The following PTH1R variants were observed in gnomAD, a reference collection of about 807,000 sequenced individuals.
The protein encoded by PTH1R is parathyroid hormone 1 receptor, also known as parathyroid hormone/parathyroid hormone-related peptide receptor.
In PTH1R, 32 loss-of-function variants were observed where a neutral mutation model predicts 70.7. That is an observed-to-expected ratio of 0.45 (90% CI 0.34 to 0.61). The LOEUF is 0.61. Among genes scored for constraint, PTH1R ranks in the 20% least tolerant of loss-of-function variants. The pLI, the probability that PTH1R is intolerant of heterozygous loss-of-function variation, is 0.01. For missense variants in PTH1R, 626 were observed against 792.5 expected, an observed-to-expected ratio of 0.79 and a Z score of 2.52; for synonymous variants, 329 against 324.8, an observed-to-expected ratio of 1.01 and a Z score of -0.14.
At position 46,896,370 on chromosome 3, in the gene PTH1R, A is replaced by G. The variant is rs2031757600; in HGVS notation, c.313+501A>G. ...AGTGGATAGGGCCACAGAAATAGAG[A>G]AGGAGAGGAGGGCAGTGGCAGAGGG... On this transcript the variant is annotated intron_variant, in intron 5 of 15. Transcript: ENST00000449590. The surrounding 1 kb of genome is among the most constrained non-coding windows in gnomAD (Gnocchi z 4.1). Among the ~76,000 whole-genome samples the G allele has an allele frequency of 6.6e-6, 1 of 151,864 alleles. No individual in the cohort carries two copies. The highest frequency in any genetic ancestry group is 1.5e-5 in the Non-Finnish European group (1 of 67,922).
chr3:46,895,962 G>A, intron 5 of PTH1R, 93 bp downstream of exon 5: 2 of 1,485,586 alleles, frequency 1.3e-6, no homozygotes, highest in Non-Finnish European at 1.8e-6. Context: ...ATGCTTCTTG[G>A]CTCTTATAGA....
Position 46,898,239 on chromosome 3 carries a change from C to T in PTH1R, c.543+47C>T, listed in dbSNP as rs779961485. On this transcript the variant is annotated intron_variant, in intron 7 of 15. Coordinates refer to ENST00000449590, the MANE Select transcript of PTH1R (RefSeq NM_000316.3). Reference sequence around the variant, plus strand: ...AACCTGACCAGGATAAATTCACTCCCACCCCACGGGTGACCCCTGACCCAG... The same window carrying T: ...AACCTGACCAGGATAAATTCACTCCTACCCCACGGGTGACCCCTGACCCAG... 7 of 1,603,140 alleles carry T rather than the reference C, an allele frequency of 4.4e-6. No homozygotes were observed. The Admixed American group carries it at 1.0e-4, about 23-fold the overall frequency.
chr3:46,881,364 C>T (rs1051242951), intron 2 of PTH1R, among the ~76,000 whole-genome samples: 10 of 152,160 alleles, frequency 6.6e-5, no homozygotes, highest in African/African-American at 9.7e-5. Context: ...CCAACCCCCG[C>T]GGACTCCTCC....
intron 1 of PTH1R, 70 bp from the exon 2 acceptor site, chr3:46,880,992 C>G (rs1318363550): frequency 6.6e-6 from 1 of 152,212 alleles, no homozygotes; most frequent in African/African-American, 2.4e-5. Context: ...AGGATGCCCA[C>G]CCTCGTGGAA....
intron 10 of PTH1R, among the ~76,000 whole-genome samples, 157 bp from the exon 11 acceptor site, chr3:46,900,868 A>G (rs116473407): frequency 6.6e-6 from 1 of 152,050 alleles, no homozygotes; most frequent in African/African-American, 2.4e-5. Context: ...AGGGCACCAC[A>G]TGGCAGAGTG....
Position 46,901,487 on chromosome 3 carries a change from A to G in PTH1R, c.1116+7A>G. On this transcript the variant is annotated splice_region_variant and intron_variant, in intron 12 of 15. Coordinates refer to ENST00000449590, the MANE Select transcript of PTH1R (RefSeq NM_000316.3). This position sits in a 1 kb window ranked among gnomAD's most constrained non-coding sequence, Gnocchi z 7.3. ...CATCCTGGCCTCCATTGTGGTGAGCAGGGGTGGGCTGCTGGCCACAGGGGT... is the reference window on the plus strand; with the variant it reads ...CATCCTGGCCTCCATTGTGGTGAGCGGGGGTGGGCTGCTGGCCACAGGGGT... The G allele has an allele frequency of 6.6e-7, 1 of 1,525,866 alleles. No homozygotes were observed. The allele number at this position is 1,525,866 out of a possible 1,614,324, so 94.5% of individuals were successfully genotyped here. A position where few individuals can be genotyped will look rare whatever the true frequency, so the allele number is the denominator to read the frequency against.
In PTH1R at chr3:46,895,835, G is replaced by A. The variant is rs935142392; in HGVS notation, c.279G>A (p.Glu93=). 2 of 1,613,838 alleles carry A rather than the reference G, an allele frequency of 1.2e-6. No individual in the cohort carries two copies. Residue 93 remains glutamate (E), a synonymous_variant, in exon 5 of 16, where the codon GAG becomes GAA. Transcript: ENST00000449590. ...GGAAGCTCTACCCTGAGTCTGAGGA[G>A]GACAAGGAGGCACCCACTGGCAGCA... ...ASGKLYPESE[E]DKEAPTGSRY...
intron 3 of PTH1R, among the ~76,000 whole-genome samples, chr3:46,888,048 G>C (rs1394645683): frequency 6.6e-6 from 1 of 152,158 alleles, no homozygotes; most frequent in African/African-American, 2.4e-5. Context: ...AAAAGCTTGT[G>C]CTGCTTTGTA....
At position 46,883,961 on chromosome 3, in the gene PTH1R, C is replaced by G. The variant is rs1384781523; in HGVS notation, c.75+327C>G. Among the ~76,000 whole-genome samples the G allele has an allele frequency of 6.6e-6, 1 of 152,240 alleles. No homozygotes were observed. The highest frequency in any genetic ancestry group is 1.5e-5 in the Non-Finnish European group (1 of 68,044). On this transcript the variant is annotated intron_variant, in intron 3 of 15. Transcript: ENST00000449590. The surrounding 1 kb of genome is among the most constrained non-coding windows in gnomAD (Gnocchi z 6.4). ...CAGTGTGACCCAACAGAAGGCTGGG[C>G]TTTGGCCCTGCTGCGTACTCCCACA...
chr3:46,880,079 A>G (rs2030458059), intron 1 of PTH1R, among the ~76,000 whole-genome samples: 1 of 152,222 alleles, frequency 6.6e-6, no homozygotes, highest in Admixed American at 6.5e-5. Context: ...CCATTAAAAT[A>G]TAACACTGAA....
rs971320996 is a variant in PTH1R, at chr3:46,899,203, C to T, written c.835-100C>T. The T allele has an allele frequency of 2.2e-5, 34 of 1,527,734 alleles. No homozygotes were observed. The African/African-American group carries it at 3.1e-4, about 14-fold the overall frequency. 94.6% of individuals were successfully genotyped at this position (1,527,734 alleles called of 1,614,324 possible). A position where few individuals can be genotyped will look rare whatever the true frequency, so the allele number is the denominator to read the frequency against. On this transcript the variant is annotated intron_variant, in intron 9 of 15. Coordinates refer to ENST00000449590, the MANE Select transcript of PTH1R (RefSeq NM_000316.3). ...CCTGCCCCTTCCTGGCCTGTTTGGC[C>T]GGCACCACTTGTCCTCTCCTGCCGC... is the stretch of plus-strand genomic sequence containing the variant.
Position 46,901,181 on chromosome 3 carries a change from A to G in PTH1R, c.1049+96A>G. 6.9e-7 allele frequency: 1 copy of G among 1,447,814 alleles called. No individual in the cohort carries two copies. The highest frequency in any genetic ancestry group is 9.5e-7 in the Non-Finnish European group (1 of 1,055,156). The allele number at this position is 1,447,814 out of a possible 1,614,324, so 89.7% of individuals were successfully genotyped here. ...AGAGGGCCTCCTGTACCCTGGCCTC[A>G]AACGGCCCAGCCTCAGGAGTTCTCA... On this transcript the variant is annotated intron_variant, in intron 11 of 15. Coordinates refer to ENST00000449590, the MANE Select transcript of PTH1R (RefSeq NM_000316.3). This position sits in a 1 kb window ranked among gnomAD's most constrained non-coding sequence, Gnocchi z 7.3.
chr3:46,899,416 A>G lies in PTH1R; in HGVS notation c.948A>G (p.Ser316=), dbSNP rs1484706795. Residue 316 remains serine (S), a synonymous_variant, in exon 10 of 16, where the codon TCA becomes TCG. Transcript: ENST00000449590. ...LHSLIFMAFF[S]EKKYLWGFTV... ...GCCTCATCTTCATGGCCTTCTTCTC[A>G]GAGAAGAAGTACCTGTGGGGCTTCA... 6.2e-7 allele frequency: 1 copy of G among 1,613,488 alleles called. No individual in the cohort carries two copies. Among genetic ancestry groups the G allele is most frequent in the South Asian group, 1.1e-5 (1 of 91,048 alleles).
At position 46,879,754 on chromosome 3, in the gene PTH1R, A is replaced by G. The variant is rs2030441216; in HGVS notation, c.-105-1308A>G. ...ACAGCAAGACCCTGTCTGGGGAAAA[A>G]AAAAATGCTGCGTGTGGTGGCTCAC... On this transcript the variant is annotated intron_variant, in intron 1 of 15. Transcript: ENST00000449590. This position sits in a 1 kb window ranked among gnomAD's most constrained non-coding sequence, Gnocchi z 4.7. 6.6e-6 allele frequency among the ~76,000 whole-genome samples: 1 copy of G among 151,456 alleles called. No individual in the cohort carries two copies. Among genetic ancestry groups the G allele is most frequent in the African/African-American group, 2.4e-5 (1 of 41,134 alleles).
At chr3:46,899,123 A>T (rs1241009059) in intron 9 of PTH1R, among the ~76,000 whole-genome samples, 180 bp from the exon 10 acceptor site, 2 of 151,662 alleles carry the variant, frequency 1.3e-5, no homozygotes, top group Admixed American at 1.3e-4. Flanking sequence ...CTACCTCTTC[A>T]CTTTGCCTCC....
At chr3:46,888,990 C>T (rs1030216111) in intron 3 of PTH1R, among the ~76,000 whole-genome samples, 2 of 152,244 alleles carry the variant, frequency 1.3e-5, no homozygotes, top group Middle Eastern at 3.4e-3. Flanking sequence ...TCAGCGGTGG[C>T]GGGGCAGGAC....
In PTH1R at chr3:46,901,980, G is replaced by C; in HGVS notation, c.1211+120G>C. On this transcript the variant is annotated intron_variant, in intron 13 of 15. Coordinates refer to ENST00000449590, the MANE Select transcript of PTH1R (RefSeq NM_000316.3). The surrounding 1 kb of genome is among the most constrained non-coding windows in gnomAD (Gnocchi z 7.3). Reference sequence around the variant, plus strand: ...CCTGGGGCAAGGGAAAGGACCCAGCGTCTGACTCCCTGGCTGTCCTCACCC... The same window carrying C: ...CCTGGGGCAAGGGAAAGGACCCAGCCTCTGACTCCCTGGCTGTCCTCACCC... 8.8e-7 allele frequency: 1 copy of C among 1,136,260 alleles called. No individual in the cohort carries two copies. Among genetic ancestry groups the C allele is most frequent in the Non-Finnish European group, 1.3e-6 (1 of 777,350 alleles). 70.4% of individuals were successfully genotyped at this position (1,136,260 alleles called of 1,614,324 possible).
At position 46,881,414 on chromosome 3, in the gene PTH1R, C is replaced by T. The variant is rs577684571; in HGVS notation, c.-49+296C>T. Among the ~76,000 whole-genome samples the T allele has an allele frequency of 6.6e-5, 10 of 152,256 alleles. No homozygotes were observed. In the South Asian group the frequency reaches 1.9e-3, roughly 28 times the overall value. ...GTCGAGGGTCCCAGGCGGCCCGGTCCGAGCCGGCCGATAGCTTTTGGGAGT... is the reference window on the plus strand; with the variant it reads ...GTCGAGGGTCCCAGGCGGCCCGGTCTGAGCCGGCCGATAGCTTTTGGGAGT... On this transcript the variant is annotated intron_variant, in intron 2 of 15. Transcript: ENST00000449590.
intron 4 of PTH1R, among the ~76,000 whole-genome samples, chr3:46,895,093 A>C (rs1220603825): frequency 1.7e-4 from 7 of 42,088 alleles, no homozygotes; most frequent in Admixed American, 2.8e-4. Context: ...ACAAACAAAC[A>C]AAAAAAAAAA....
Sources: gnomAD v4.1 joint callset for allele counts (sites outside exome capture counted in the v4.1 genomes callset) on GRCh38, gnomAD v4.1.1 for gene constraint, Gnocchi (gnomAD v3.1) non-coding constraint, MANE v1.5 for transcripts, NCBI Gene and HGNC (gene_info 2026-07-23, HGNC 2026-07-21) for gene names.